Variants in TMEM132D observed in about 807,000 individuals in gnomAD.
The protein encoded by TMEM132D is transmembrane protein 132D.
Under a neutral mutation model 62.3 loss-of-function variants are expected in TMEM132D, and 21 were observed. That is an observed-to-expected ratio of 0.34 (90% CI 0.24 to 0.49). The LOEUF (loss-of-function observed/expected upper bound fraction) is 0.49, where lower values mean the gene tolerates loss of function less well. Ranked by LOEUF, TMEM132D falls within the 20% of genes least tolerant of loss-of-function variation. The probability of loss-of-function intolerance (pLI) is 0.99; values close to 1 mark genes in which losing one functional copy is unlikely to be tolerated. For missense variants in TMEM132D, 1,346 were observed against 1,402.8 expected, an observed-to-expected ratio of 0.96 and a Z score of 0.65; for synonymous variants, 621 against 575.6, an observed-to-expected ratio of 1.08 and a Z score of -1.13.
At chr12:129,207,698 G>C (rs950732063) in intron 5 of TMEM132D, among the ~76,000 whole-genome samples, 1 of 152,170 alleles carries the variant, frequency 6.6e-6, no homozygotes, top group Non-Finnish European at 1.5e-5. Context: ...TGGCTGCAAA[G>C]GTTTGATTCT....
At chr12:129,887,706 G>T (rs560961368) in intron 1 of TMEM132D, among the ~76,000 whole-genome samples, 128 of 152,206 alleles carry the variant, frequency 8.4e-4, no homozygotes, top group South Asian at 3.1e-3. Flanking sequence ...ATGTGACATT[G>T]GGTCCAAATG....
intron 5 of TMEM132D, among the ~76,000 whole-genome samples, chr12:129,160,391 C>A (rs2135540685): frequency 6.6e-6 from 1 of 152,342 alleles, no homozygotes; most frequent in East Asian, 1.9e-4. Flanking sequence ...GGACAAATCA[C>A]CCAAATTGAG....
At chr12:129,753,074 A>T (rs2137268836) in intron 1 of TMEM132D, among the ~76,000 whole-genome samples, 1 of 152,330 alleles carries the variant, frequency 6.6e-6, no homozygotes, top group South Asian at 2.1e-4. Flanking sequence ...CAAGACCAAA[A>T]GTCATGGCTA....
At chr12:129,369,449 AG>A (rs1169719701) in intron 3 of TMEM132D, among the ~76,000 whole-genome samples, 2 of 152,150 alleles carry the variant, frequency 1.3e-5, no homozygotes, top group African/African-American at 4.8e-5. Flanking sequence ...TGGATTAGGT[AG>A]GAATCATGGC....
At chr12:129,755,800 A>C (rs1870150259) in intron 1 of TMEM132D, among the ~76,000 whole-genome samples, 1 of 152,190 alleles carries the variant, frequency 6.6e-6, no homozygotes, top group African/African-American at 2.4e-5. Context: ...TTCCTGTCCC[A>C]AGCACCGGTA....
chr12:129,710,680 G>A (rs7304093), intron 1 of TMEM132D, among the ~76,000 whole-genome samples: 135,658 of 152,206 alleles, frequency 0.89, 61,638 homozygotes, highest in Non-Finnish European at 1. Flanking sequence ...AAGGCATTTC[G>A]GAGTGTCTTT....
At chr12:129,437,960 A>G (rs115594039) in intron 3 of TMEM132D, among the ~76,000 whole-genome samples, 2,225 of 145,256 alleles carry the variant, frequency 0.015, 38 homozygotes, top group African/African-American at 0.039. Flanking sequence ...TCACTGTCCA[A>G]CTCCCACTTA....
At chr12:129,742,655 T>C (rs1869647489) in intron 1 of TMEM132D, among the ~76,000 whole-genome samples, 1 of 152,202 alleles carries the variant, frequency 6.6e-6, no homozygotes, top group South Asian at 2.1e-4. Context: ...GCAGAAAATT[T>C]GATACTCACA....
At chr12:129,902,368 T>C (rs371656367) in intron 1 of TMEM132D, among the ~76,000 whole-genome samples, 6 of 152,312 alleles carry the variant, frequency 3.9e-5, no homozygotes, top group South Asian at 4.1e-4. Context: ...TGTATCTATC[T>C]GCAGGAAAGG....
At chr12:129,394,470 A>C (rs961340536) in intron 3 of TMEM132D, among the ~76,000 whole-genome samples, 3 of 152,242 alleles carry the variant, frequency 2.0e-5, no homozygotes, top group Admixed American at 6.5e-5. Flanking sequence ...TCTACTAAGG[A>C]AACAGCTACA....
chr12:129,647,621 A>G (rs1879820317), intron 2 of TMEM132D, among the ~76,000 whole-genome samples: 1 of 152,148 alleles, frequency 6.6e-6, no homozygotes, highest in Non-Finnish European at 1.5e-5. Flanking sequence ...TTGCCAATAT[A>G]ATGATTGTGG....
chr12:129,730,692 C>T (rs991731900), intron 1 of TMEM132D, among the ~76,000 whole-genome samples: 1 of 152,000 alleles, frequency 6.6e-6, no homozygotes, highest in Non-Finnish European at 1.5e-5. Flanking sequence ...GACCCACCCT[C>T]ATTCTCGGTG....
intron 4 of TMEM132D, among the ~76,000 whole-genome samples, chr12:129,255,351 G>A (rs1049698893): frequency 2.0e-5 from 3 of 152,170 alleles, no homozygotes; most frequent in East Asian, 1.9e-4. Context: ...AGCTTAAACC[G>A]ACAAGAGAGT....
chr12:129,106,839 G>A (rs762354188), intron 5 of TMEM132D, among the ~76,000 whole-genome samples: 49 of 152,174 alleles, frequency 3.2e-4, no homozygotes, highest in Non-Finnish European at 6.2e-4. Context: ...CATGATGTAG[G>A]TGCCTCAATA....
intron 4 of TMEM132D, among the ~76,000 whole-genome samples, chr12:129,237,157 A>T (rs1387171797): frequency 1.3e-5 from 2 of 152,188 alleles, no homozygotes; most frequent in South Asian, 2.1e-4. Context: ...TTGCATCTAC[A>T]TTCCTCAGGA....
chr12:129,647,190 T>C (rs994762120), intron 2 of TMEM132D, among the ~76,000 whole-genome samples: 1 of 151,764 alleles, frequency 6.6e-6, no homozygotes, highest in Non-Finnish European at 1.5e-5. Context: ...AATTGTTATA[T>C]TGTCATAACA....
rs1401649409 is a variant in TMEM132D at position 129,388,676 on chromosome 12, A to G, written c.1116-50859T>C. On this transcript the variant is annotated intron_variant, in intron 3 of 8. Transcript: ENST00000422113. ...AATATAAACACTAACACCGACACCA[A>G]TACTAACACCAACACCAATCCAGCA... Among the ~76,000 whole-genome samples the G allele has an allele frequency of 2.4e-5, 3 of 126,960 alleles. 1 individual carries two copies. Among genetic ancestry groups the G allele is most frequent in the East Asian group, 2.0e-4 (1 of 4,930 alleles). The allele number at this position is 126,960 out of a possible 152,430, so 83.3% of individuals were successfully genotyped here. A position where few individuals can be genotyped will look rare whatever the true frequency, so the allele number is the denominator to read the frequency against.
chr12:129,561,900 G>C (rs1283007968), intron 2 of TMEM132D, among the ~76,000 whole-genome samples: 3 of 152,200 alleles, frequency 2.0e-5, no homozygotes, highest in African/African-American at 7.2e-5. Context: ...GTGAGTTAGA[G>C]TCAGACTCTT....
intron 2 of TMEM132D, among the ~76,000 whole-genome samples, chr12:129,597,789 T>C (rs1034117476): frequency 1.1e-4 from 16 of 152,058 alleles, no homozygotes; most frequent in African/African-American, 3.1e-4. Context: ...GCCCCAAAGG[T>C]AGGATTTTCC....
Sources: gnomAD v4.1 joint callset for allele counts (sites outside exome capture counted in the v4.1 genomes callset) on GRCh38, gnomAD v4.1.1 for gene constraint, MANE v1.5 for transcripts, NCBI Gene and HGNC (gene_info 2026-07-23, HGNC 2026-07-21) for gene names.